GSE1: variants seen among roughly 807,000 people sequenced by gnomAD.
The protein encoded by GSE1 is genetic suppressor element 1.
A neutral mutation model predicts 112.6 loss-of-function variants in GSE1; 32 were observed. The observed-to-expected ratio is 0.28, with a 90% CI of 0.21 to 0.38. The LOEUF is 0.38. GSE1 is among the 10% of genes least tolerant of loss of function. The probability of loss-of-function intolerance (pLI) is 1.00; values close to 1 mark genes in which losing one functional copy is unlikely to be tolerated. For synonymous variants in GSE1, 1,115 were observed against 735.6 expected (o/e 1.52, Z -8.35); for missense variants, 2,348 against 1,699.2 (o/e 1.38, Z -6.71).
At chr16:85,416,017 C>T (rs1445886535) in intron 2 of GSE1, among the ~76,000 whole-genome samples, 2 of 152,124 alleles carry the variant, frequency 1.3e-5, no homozygotes, top group African/African-American at 4.8e-5. Context: ...GCACTGTGGG[C>T]AGGAGAATGC....
In GSE1 at chr16:85,252,501, C is replaced by T. The variant is rs757942878; in HGVS notation, c.2283+80694C>T. Among the ~76,000 whole-genome samples, 75 of 152,256 alleles carry T rather than the reference C, an allele frequency of 4.9e-4. 1 individual carries two copies. The highest frequency in any genetic ancestry group is 2.9e-4 in the Non-Finnish European group (20 of 68,048). ...TTTCCCCTGAGCCCCTTGGGCACAC[C>T]CAAGCCCATCTGCAGGCGCCAGCAC... On this transcript the variant is annotated intron_variant, in intron 1 of 2. Transcript: ENST00000637419.
chr16:85,206,238 G>A (rs2075113917), intron 1 of GSE1, among the ~76,000 whole-genome samples: 1 of 152,122 alleles, frequency 6.6e-6, no homozygotes, highest in Non-Finnish European at 1.5e-5. Flanking sequence ...GGGAAGACCT[G>A]TGTTTGGCAA....
chr16:85,632,022 C>G (rs994225357), intron 1 of GSE1, among the ~76,000 whole-genome samples: 1 of 152,236 alleles, frequency 6.6e-6, no homozygotes, highest in South Asian at 2.1e-4. Context: ...GAGGACGGGC[C>G]CTCATTGGCA....
At chr16:85,462,989 C>G in intron 2 of GSE1, 1 of 441,654 alleles carries the variant, frequency 2.3e-6, no homozygotes, top group Non-Finnish European at 3.0e-6. Context: ...CTTCTGCCGC[C>G]CCGTGACGCC....
chr16:85,242,139 G>T (rs534054970), intron 1 of GSE1, among the ~76,000 whole-genome samples: 32 of 152,142 alleles, frequency 2.1e-4, no homozygotes, highest in Non-Finnish European at 4.4e-4. Context: ...CCCATCACAC[G>T]CCAGGCATCT....
At chr16:85,554,390 C>G (rs2045092297), upstream of GSE1, among the ~76,000 whole-genome samples, 1 of 152,112 alleles carries the variant, frequency 6.6e-6, no homozygotes, top group Non-Finnish European at 1.5e-5. Flanking sequence ...ACCAAATTAG[C>G]CGGGGCTTTC....
chr16:85,254,834 T>G (rs1432252811), intron 1 of GSE1, among the ~76,000 whole-genome samples: 1 of 152,230 alleles, frequency 6.6e-6, no homozygotes, highest in Non-Finnish European at 1.5e-5. Flanking sequence ...CAAGACATGC[T>G]ATGCCCGTTT....
At chr16:85,403,541 G>C (rs1277251914) in intron 2 of GSE1, among the ~76,000 whole-genome samples, 1 of 152,156 alleles carries the variant, frequency 6.6e-6, no homozygotes, top group Non-Finnish European at 1.5e-5. Context: ...TGAAATCCCA[G>C]CACTTTGGGA....
At position 85,312,213 on chromosome 16, in the gene GSE1, G is replaced by GGGGC. The variant is rs1555559912; in HGVS notation, c.2284-45247_2284-45246insCGGG. 7.4e-3 allele frequency among the ~76,000 whole-genome samples: 1,103 copies of GGGGC among 149,626 alleles called. 216 individuals are homozygous for GGGGC. Among genetic ancestry groups the GGGGC allele is most frequent in the African/African-American group, 0.027 (1,046 of 39,190 alleles). On this transcript the variant is annotated intron_variant, in intron 1 of 2. Coordinates refer to the GSE1 transcript ENST00000637419. ...CTCTCTGATCCTCTTGCGGGGGGGG[G>GGGGC]GGGGACACACTTACCCCCAAACCCT...
chr16:85,583,024 G>A (rs992098744), intron 1 of GSE1, among the ~76,000 whole-genome samples: 3 of 152,194 alleles, frequency 2.0e-5, no homozygotes, highest in African/African-American at 7.2e-5. Flanking sequence ...ATGCCAGCCA[G>A]GGTGGCTTCC....
At position 85,250,853 on chromosome 16, in the gene GSE1, C is replaced by T. The variant is rs113969909; in HGVS notation, c.2283+79046C>T. 9.5e-4 allele frequency among the ~76,000 whole-genome samples: 144 copies of T among 151,234 alleles called. 1 individual carries two copies. The highest frequency in any genetic ancestry group is 3.3e-3 in the African/African-American group (135 of 41,060). ...CCCCAGCCCCCCTCCCTGGCAACCACCCATCTACTTCTTGTCTCCAGGCAT... is the reference window on the plus strand; with the variant it reads ...CCCCAGCCCCCCTCCCTGGCAACCATCCATCTACTTCTTGTCTCCAGGCAT... On this transcript the variant is annotated intron_variant, in intron 1 of 2. Coordinates refer to the GSE1 transcript ENST00000637419.
intron 5 of GSE1, among the ~76,000 whole-genome samples, 193 bp from the exon 6 acceptor site, chr16:85,655,533 C>T (rs1362578732): frequency 6.6e-6 from 1 of 152,200 alleles, no homozygotes; most frequent in Admixed American, 6.5e-5. Context: ...GAACCCCAAG[C>T]TGTCGGCACC....
At chr16:85,227,851 G>A (rs12923970) in intron 1 of GSE1, among the ~76,000 whole-genome samples, 28,952 of 152,218 alleles carry the variant, frequency 0.19, 2,874 homozygotes, top group South Asian at 0.34. Flanking sequence ...CCGACCGGGG[G>A]ATACAGCAGT....
intron 1 of GSE1, among the ~76,000 whole-genome samples, chr16:85,211,472 C>T (rs766567180): frequency 1.3e-5 from 2 of 152,198 alleles, no homozygotes; most frequent in South Asian, 2.1e-4. Flanking sequence ...CTGCCACTGC[C>T]GCGCTGTGTC....
At chr16:85,363,265 A>C (rs1004829717) in intron 2 of GSE1, among the ~76,000 whole-genome samples, 3 of 152,000 alleles carry the variant, frequency 2.0e-5, no homozygotes, top group African/African-American at 4.8e-5. Flanking sequence ...TCCCTTTCTC[A>C]CCTGCCATAC....
chr16:85,456,579 C>CGTGTGTGT (rs35279881), intron 2 of GSE1, among the ~76,000 whole-genome samples: 2,307 of 91,492 alleles, frequency 0.025, 78 homozygotes, highest in East Asian at 0.034. Context: ...ATTTTCCTGC[C>CGTGTGTGT]GTGTGTGTGT....
At chr16:85,646,146 A>G (rs113625086) in intron 2 of GSE1, among the ~76,000 whole-genome samples, 26 of 110,224 alleles carry the variant, frequency 2.4e-4, no homozygotes, top group African/African-American at 9.7e-4. Context: ...CATGCATTCT[A>G]CCTGCTTCTA....
intron 9 of GSE1, 135 bp downstream of exon 9, chr16:85,661,900 A>T: frequency 3.6e-6 from 3 of 838,046 alleles, no homozygotes; most frequent in Non-Finnish European, 5.4e-6. Context: ...CCAGGTGGCA[A>T]GTGCACTGGC....
At chr16:85,467,893 T>C (rs187208404) in intron 2 of GSE1, among the ~76,000 whole-genome samples, 4 of 152,348 alleles carry the variant, frequency 2.6e-5, no homozygotes, top group South Asian at 2.1e-4. Flanking sequence ...ACTTAGTGAA[T>C]GTTAGCACAT....
Sources: allele counts gnomAD v4.1 joint callset (sites outside exome capture counted in the v4.1 genomes callset), GRCh38; gene constraint gnomAD v4.1.1; transcripts MANE v1.5; gene names NCBI Gene and HGNC (gene_info 2026-07-23, HGNC 2026-07-21).